SPAG16: variants seen among roughly 807,000 people sequenced by gnomAD.
SPAG16 encodes the protein sperm-associated antigen 16 protein.
In SPAG16, 86 loss-of-function variants were observed where a neutral mutation model predicts 80.4. That is an observed-to-expected ratio of 1.07 (90% confidence interval 0.90 to 1.28). The LOEUF is 1.28. Ranked by LOEUF, SPAG16 falls within the 50% of genes most tolerant of loss-of-function variation. The pLI, the probability that SPAG16 is intolerant of heterozygous loss-of-function variation, is 0.00. For missense variants in SPAG16, 870 were observed against 765.3 expected (o/e 1.14, Z -1.61); for synonymous variants, 294 against 265.9 (o/e 1.11, Z -1.03).
chr2:214,266,126 A>G (rs527779859), intron 15 of SPAG16, among the ~76,000 whole-genome samples: 1 of 152,088 alleles, frequency 6.6e-6, no homozygotes, highest in African/African-American at 2.4e-5. Context: ...ACATAATGAT[A>G]TATGTTCAAG....
chr2:213,968,234 G>T (rs1274981299), intron 12 of SPAG16, among the ~76,000 whole-genome samples: 1 of 151,418 alleles, frequency 6.6e-6, no homozygotes, highest in Non-Finnish European at 1.5e-5. Context: ...GAGTGTAACG[G>T]CGAGATCTCA....
intron 10 of SPAG16, among the ~76,000 whole-genome samples, chr2:213,589,106 T>C (rs1317709561): frequency 1.3e-5 from 2 of 152,184 alleles, no homozygotes; most frequent in South Asian, 4.1e-4. Flanking sequence ...GATTACATTT[T>C]ACAATACTCT....
chr2:213,588,602 A>G (rs987439350), intron 10 of SPAG16, among the ~76,000 whole-genome samples: 1 of 151,474 alleles, frequency 6.6e-6, no homozygotes, highest in African/African-American at 2.4e-5. Context: ...GGAGATCGAG[A>G]CCATCCTGGC....
intron 10 of SPAG16, among the ~76,000 whole-genome samples, chr2:213,544,624 A>G (rs1469095953): frequency 6.6e-6 from 1 of 152,104 alleles, no homozygotes; most frequent in Non-Finnish European, 1.5e-5. Flanking sequence ...CCATTATAGT[A>G]TCAAACAGGG....
intron 15 of SPAG16, among the ~76,000 whole-genome samples, chr2:214,154,430 C>A (rs1268334086): frequency 6.6e-6 from 1 of 151,672 alleles, no homozygotes; most frequent in Non-Finnish European, 1.5e-5. Flanking sequence ...TCTCCACAAT[C>A]GGAACCACAA....
At chr2:214,195,332 G>GATAGATAGATAGATAGATAT (rs1265821816) in intron 15 of SPAG16, among the ~76,000 whole-genome samples, 3 of 152,000 alleles carry the variant, frequency 2.0e-5, no homozygotes, top group African/African-American at 2.4e-5. Flanking sequence ...TAGATAGATA[G>GATAGATAGATAGATAGATAT]ATATTTGAGA....
chr2:214,273,036 T>C (rs1311113008), intron 15 of SPAG16, among the ~76,000 whole-genome samples: 1 of 152,192 alleles, frequency 6.6e-6, no homozygotes, highest in Non-Finnish European at 1.5e-5. Flanking sequence ...ATTTCTCTGA[T>C]GGCCAGTGAT....
chr2:213,695,218 G>C (rs2065108630), intron 10 of SPAG16, among the ~76,000 whole-genome samples: 1 of 151,984 alleles, frequency 6.6e-6, no homozygotes, highest in South Asian at 2.1e-4. Flanking sequence ...TTCTACTCAA[G>C]CTCCGACTGC....
Position 213,703,888 on chromosome 2 carries a change from C to T in SPAG16, c.1071-158597C>T, listed in dbSNP as rs1470953368. Among the ~76,000 whole-genome samples, 4 of 152,226 alleles carry T rather than the reference C, an allele frequency of 2.6e-5. No individual in the cohort carries two copies. In the East Asian group the frequency reaches 7.7e-4, roughly 29 times the overall value. On this transcript the variant is annotated intron_variant, in intron 10 of 15. Coordinates refer to ENST00000331683, the MANE Select transcript of SPAG16 (RefSeq NM_024532.5). ...AGATCCTCCTACCCAATCCTGCATTCCCCTTGTTTCTTCACAGATATTACC... is the reference window on the plus strand; with the variant it reads ...AGATCCTCCTACCCAATCCTGCATTTCCCTTGTTTCTTCACAGATATTACC...
rs200228474 is a variant in SPAG16, at chr2:214,108,846, G to T, written c.1593+585G>T. ...TGCCACTTGAGGTATTCATTCAGGT[G>T]TAAGGATGATTTCACAAACAATGAA... On this transcript the variant is annotated intron_variant, in intron 14 of 15. Coordinates refer to ENST00000331683, the MANE Select transcript of SPAG16 (RefSeq NM_024532.5). Among the ~76,000 whole-genome samples, 4 of 152,308 alleles carry T rather than the reference G, an allele frequency of 2.6e-5. No homozygotes were observed. The East Asian group carries it at 5.8e-4, about 22-fold the overall frequency.
chr2:213,384,801 T>C (rs1414763403), intron 9 of SPAG16, among the ~76,000 whole-genome samples: 1 of 152,218 alleles, frequency 6.6e-6, no homozygotes, highest in Non-Finnish European at 1.5e-5. Flanking sequence ...GTCGTACAGA[T>C]TGAACATTAC....
At chr2:213,844,904 A>G (rs1355638180) in intron 10 of SPAG16, among the ~76,000 whole-genome samples, 1 of 152,214 alleles carries the variant, frequency 6.6e-6, no homozygotes, top group African/African-American at 2.4e-5. Flanking sequence ...TAGCAATACA[A>G]ATAAATTGGA....
chr2:214,396,240 G>A (rs1458251154), intron 15 of SPAG16, among the ~76,000 whole-genome samples: 2 of 151,174 alleles, frequency 1.3e-5, no homozygotes, highest in Non-Finnish European at 2.9e-5. Context: ...ACCAGGCTGT[G>A]GCTTGGCTTT....
chr2:213,397,219 A>AG (rs1298922708), intron 9 of SPAG16, among the ~76,000 whole-genome samples: 1 of 147,746 alleles, frequency 6.8e-6, no homozygotes, highest in Non-Finnish European at 1.5e-5. Flanking sequence ...TCACTGAATA[A>AG]GGAGCCTGGG....
chr2:213,425,264 G>C (rs1013435669), intron 9 of SPAG16, among the ~76,000 whole-genome samples: 1 of 152,066 alleles, frequency 6.6e-6, no homozygotes, highest in African/African-American at 2.4e-5. Flanking sequence ...AGCTTGCAGT[G>C]AGCCAAGATC....
chr2:214,076,543 CTG>C (rs59810311), intron 13 of SPAG16, among the ~76,000 whole-genome samples: 29,073 of 124,136 alleles, frequency 0.23, 3,037 homozygotes, highest in African/African-American at 0.26. Context: ...GTGTGTGTGT[CTG>C]TGTGTGTGTG....
At chr2:213,995,336 T>G (rs915535264) in intron 12 of SPAG16, among the ~76,000 whole-genome samples, 2 of 152,154 alleles carry the variant, frequency 1.3e-5, no homozygotes, top group African/African-American at 4.8e-5. Context: ...AAAGCAGATT[T>G]AAAGCTTGAG....
rs186491213 is a variant in SPAG16, at chr2:214,313,346, G to A, written c.1721-96794G>A. ...TTACATTACTTTTCATTAATTTTAA[G>A]GACTTTCTTTTCCCTGGATCTTTAA... On this transcript the variant is annotated intron_variant, in intron 15 of 15. Transcript: ENST00000331683. Among the ~76,000 whole-genome samples, 36 of 152,150 alleles carry A rather than the reference G, an allele frequency of 2.4e-4. No homozygotes were observed. In the East Asian group the frequency reaches 4.1e-3, roughly 17 times the overall value.
intron 10 of SPAG16, among the ~76,000 whole-genome samples, chr2:213,559,061 A>G (rs2059521190): frequency 6.6e-6 from 1 of 152,156 alleles, no homozygotes; most frequent in Admixed American, 6.6e-5. Flanking sequence ...AAATTCCTTC[A>G]GCTGTATAGA....
Sources: allele counts gnomAD v4.1 joint callset (sites outside exome capture counted in the v4.1 genomes callset), GRCh38; gene constraint gnomAD v4.1.1; transcripts MANE v1.5; gene names NCBI Gene and HGNC (gene_info 2026-07-23, HGNC 2026-07-21).